DNAH9: variants seen among roughly 807,000 people sequenced by gnomAD.
DNAH9 encodes the protein DNAH9 variant protein.
DNAH9 carries 345 observed loss-of-function variants against 471.6 expected under a neutral mutation model. The ratio of observed to expected loss-of-function variants is 0.73; its 90% confidence interval spans 0.67 to 0.80. The LOEUF is 0.80. DNAH9 is among the 30% of genes least tolerant of loss of function. The probability of loss-of-function intolerance (pLI) is 0.00; values close to 1 mark genes in which losing one functional copy is unlikely to be tolerated. For synonymous variants in DNAH9, 2,093 were observed against 2,123.6 expected (o/e 0.99, Z 0.40); for missense variants, 5,407 against 5,609.2 (o/e 0.96, Z 1.15).
chr17:11,887,908 A>G (rs994063492), intron 57 of DNAH9, among the ~76,000 whole-genome samples: 3 of 152,146 alleles, frequency 2.0e-5, no homozygotes, highest in African/African-American at 4.8e-5. Context: ...ATGGCATTTA[A>G]TCATTTCCCA....
intron 28 of DNAH9, among the ~76,000 whole-genome samples, chr17:11,734,030 T>C (rs532991014): frequency 6.6e-6 from 1 of 152,232 alleles, no homozygotes; most frequent in African/African-American, 2.4e-5. Flanking sequence ...TGGGGCAGCG[T>C]GGCCCAGTGG....
At chr17:11,784,246 G>T in intron 40 of DNAH9, 54 bp from the exon 41 acceptor site, 1 of 1,599,862 alleles carries the variant, frequency 6.3e-7, no homozygotes, top group Non-Finnish European at 8.5e-7. Flanking sequence ...CAGAAGCGGT[G>T]ATTTCTACTC....
At chr17:11,750,144 G>A (rs1039883772) in intron 32 of DNAH9, among the ~76,000 whole-genome samples, 3 of 152,030 alleles carry the variant, frequency 2.0e-5, no homozygotes, top group African/African-American at 7.2e-5. Context: ...TTTAAAATAT[G>A]TTTAGGGGCC....
At chr17:11,889,053 G>A (rs975564344) in intron 57 of DNAH9, among the ~76,000 whole-genome samples, 3 of 152,124 alleles carry the variant, frequency 2.0e-5, no homozygotes, top group Non-Finnish European at 2.9e-5. Flanking sequence ...TGGCAGTAAA[G>A]TAATTTTTCT....
intron 20 of DNAH9, among the ~76,000 whole-genome samples, chr17:11,692,595 G>A (rs1425094139): frequency 6.6e-6 from 1 of 152,116 alleles, no homozygotes; most frequent in African/African-American, 2.4e-5. Context: ...TTGTATACCT[G>A]GGGCTTGGGA....
At chr17:11,784,733 C>T (rs2098517566) in intron 41 of DNAH9, among the ~76,000 whole-genome samples, 194 bp downstream of exon 41, 1 of 152,142 alleles carries the variant, frequency 6.6e-6, no homozygotes, top group South Asian at 2.1e-4. Context: ...AATAGAGTTT[C>T]CTTTGCCAAT....
At chr17:11,752,528 A>G (rs1967201582) in intron 32 of DNAH9, among the ~76,000 whole-genome samples, 1 of 152,142 alleles carries the variant, frequency 6.6e-6, no homozygotes, top group African/African-American at 2.4e-5. Context: ...TTAGCTGGGC[A>G]TGGTGGCACG....
At chr17:11,727,047 C>CAAAAAAAA (rs55659834) in intron 27 of DNAH9, among the ~76,000 whole-genome samples, 72 of 68,472 alleles carry the variant, frequency 1.1e-3, no homozygotes, top group South Asian at 3.5e-3. Context: ...GACTCCGTCT[C>CAAAAAAAA]AAAAAAAAAA....
chr17:11,648,233 T>C (rs922232536), intron 12 of DNAH9, among the ~76,000 whole-genome samples: 3 of 152,192 alleles, frequency 2.0e-5, no homozygotes, highest in Non-Finnish European at 4.4e-5. Flanking sequence ...GCTGATAGCA[T>C]ATTGGTGTCT....
chr17:11,733,722 G>T (rs1404507116), intron 28 of DNAH9, among the ~76,000 whole-genome samples: 1 of 152,022 alleles, frequency 6.6e-6, no homozygotes, highest in Non-Finnish European at 1.5e-5. Flanking sequence ...GCCAGGCATG[G>T]TGGTGGGAGC....
chr17:11,601,994 T>C (rs2072396404), intron 1 of DNAH9, among the ~76,000 whole-genome samples: 1 of 152,194 alleles, frequency 6.6e-6, no homozygotes, highest in Non-Finnish European at 1.5e-5. Context: ...GCCTAAGAAA[T>C]GTTTGAAAGG....
Position 11,932,246 on chromosome 17 carries a change from AG to A in DNAH9, c.12297+44del, listed in dbSNP as rs1238829878. 6.3e-7 allele frequency: 1 copy of A among 1,596,150 alleles called. No individual in the cohort carries two copies. Among genetic ancestry groups the A allele is most frequent in the Non-Finnish European group, 8.6e-7 (1 of 1,168,866 alleles). ...ATTCAGGGACCAGCCAGGTTGGGAG[AG>A]GGTTAAAATTATTTAATTTTGAGGG... On this transcript the variant is annotated intron_variant, in intron 64 of 68. Transcript: ENST00000262442. This position sits in a 1 kb window ranked among gnomAD's most constrained non-coding sequence, Gnocchi z 4.3.
intron 38 of DNAH9, among the ~76,000 whole-genome samples, chr17:11,773,493 T>C (rs934560876): frequency 7.2e-5 from 11 of 152,166 alleles, no homozygotes; most frequent in African/African-American, 2.7e-4. Context: ...CTCCAAACTG[T>C]ATCTTGTTTA....
chr17:11,639,424 T>C (rs2073224790), intron 9 of DNAH9, among the ~76,000 whole-genome samples: 1 of 152,214 alleles, frequency 6.6e-6, no homozygotes, highest in South Asian at 2.1e-4. Context: ...AAACCTCACA[T>C]TTGTTAAATC....
At chr17:11,666,735 C>G (rs1167275935) in intron 15 of DNAH9, among the ~76,000 whole-genome samples, 1 of 152,090 alleles carries the variant, frequency 6.6e-6, no homozygotes, top group Admixed American at 6.6e-5. Flanking sequence ...CTGGTCAAAC[C>G]CACAATAAAT....
chr17:11,804,242 A>C (rs1048533646), intron 43 of DNAH9, among the ~76,000 whole-genome samples: 3 of 152,214 alleles, frequency 2.0e-5, no homozygotes, highest in African/African-American at 7.2e-5. Context: ...AAATTACTGA[A>C]TGTAGGTCAA....
rs773465404 is a variant in DNAH9, at chr17:11,703,102, A to AAAAAAG, written c.5152-1097_5152-1096insAGAAAA. On this transcript the variant is annotated intron_variant, in intron 24 of 68. Transcript: ENST00000262442. ...AGCGAGACTGTCTCAAAAAAAAAAA[A>AAAAAAG]AAAAGAAAAGAAAAGAAAGTATTCA... Among the ~76,000 whole-genome samples, 568 of 151,384 alleles carry AAAAAAG rather than the reference A, an allele frequency of 3.8e-3. 3 individuals carry two copies. The highest frequency in any genetic ancestry group is 0.013 in the African/African-American group (514 of 41,102).
At chr17:11,942,626 TC>T (rs1567566499) in intron 67 of DNAH9, 141 bp downstream of exon 67, 1 of 808,228 alleles carries the variant, frequency 1.2e-6, no homozygotes, top group Non-Finnish European at 1.8e-6. Context: ...AAGTCATCAC[TC>T]CCCAGAAACC....
In DNAH9 at chr17:11,691,992, C is replaced by T. The variant is rs577356203; in HGVS notation, c.4614+1556C>T. Among the ~76,000 whole-genome samples, 636 of 152,096 alleles carry T rather than the reference C, an allele frequency of 4.2e-3. 2 individuals are homozygous for T. The highest frequency in any genetic ancestry group is 0.013 in the African/African-American group (541 of 41,502). The stretch of plus-strand genomic sequence containing the variant: ...CTAATTTTTGTATTTTTAGTAGAGA[C>T]GAGGTTTCACCATGTTGGCCAGGCT... On this transcript the variant is annotated intron_variant, in intron 20 of 68. Transcript: ENST00000262442.
Sources: gnomAD v4.1 joint callset for allele counts (sites outside exome capture counted in the v4.1 genomes callset) on GRCh38, gnomAD v4.1.1 for gene constraint, Gnocchi (gnomAD v3.1) non-coding constraint, MANE v1.5 for transcripts, NCBI Gene and HGNC (gene_info 2026-07-23, HGNC 2026-07-21) for gene names.